ANKS1B: variants seen among roughly 807,000 people sequenced by gnomAD.
ANKS1B encodes ankyrin repeat and sterile alpha motif domain-containing protein 1B.
A neutral mutation model predicts 148.3 loss-of-function variants in ANKS1B; 36 were observed. The observed-to-expected ratio is 0.24, with a 90% CI of 0.19 to 0.32. The LOEUF (loss-of-function observed/expected upper bound fraction) is 0.32. Among genes scored for constraint, ANKS1B ranks in the 10% least tolerant of loss-of-function variants. The probability of loss-of-function intolerance (pLI) is 1.00; values close to 1 mark genes in which losing one functional copy is unlikely to be tolerated. For missense variants in ANKS1B, 1,157 were observed against 1,542.6 expected (o/e 0.75, Z 4.19); for synonymous variants, 542 against 560.8 (o/e 0.97, Z 0.47).
intron 12 of ANKS1B, among the ~76,000 whole-genome samples, chr12:99,338,136 A>C (rs1288328895): frequency 6.6e-6 from 1 of 152,222 alleles, no homozygotes; most frequent in East Asian, 1.9e-4. Flanking sequence ...CACTTGTCCC[A>C]GGATGGGTCC....
chr12:98,780,533 G>A (rs1258657791), intron 24 of ANKS1B, among the ~76,000 whole-genome samples: 1 of 152,204 alleles, frequency 6.6e-6, no homozygotes, highest in Non-Finnish European at 1.5e-5. Flanking sequence ...CGGAGCCACA[G>A]CATGGCCTGG....
At chr12:99,587,221 A>G (rs559903147) in intron 9 of ANKS1B, among the ~76,000 whole-genome samples, 1 of 152,240 alleles carries the variant, frequency 6.6e-6, no homozygotes, top group Non-Finnish European at 1.5e-5. Context: ...ATATCTTAAC[A>G]TCATTTCACT....
At chr12:99,157,394 T>C (rs1293500232) in intron 14 of ANKS1B, among the ~76,000 whole-genome samples, 1 of 152,198 alleles carries the variant, frequency 6.6e-6, no homozygotes, top group Non-Finnish European at 1.5e-5. Flanking sequence ...CACATGCTGA[T>C]TGGCCAGCTC....
intron 17 of ANKS1B, among the ~76,000 whole-genome samples, chr12:98,864,825 AG>A (rs1198146124): frequency 1.3e-5 from 2 of 152,160 alleles, no homozygotes; most frequent in Non-Finnish European, 2.9e-5. Context: ...CCTGACTCTC[AG>A]AACACACGCT....
At chr12:99,816,285 CTTCTT>C (rs1175109017) in intron 2 of ANKS1B, among the ~76,000 whole-genome samples, 1 of 151,794 alleles carries the variant, frequency 6.6e-6, no homozygotes, top group African/African-American at 2.4e-5. Context: ...GTCTGCATAT[CTTCTT>C]TTGAGAAATG....
chr12:99,905,156 G>C (rs1603449378), intron 1 of ANKS1B, among the ~76,000 whole-genome samples: 1 of 152,152 alleles, frequency 6.6e-6, no homozygotes, highest in Non-Finnish European at 1.5e-5. Flanking sequence ...AGTCTGAATT[G>C]AGGGTAAAGG....
chr12:99,135,205 G>T (rs1476509977), intron 15 of ANKS1B, among the ~76,000 whole-genome samples: 1 of 152,118 alleles, frequency 6.6e-6, no homozygotes, highest in African/African-American at 2.4e-5. Context: ...AACATTGAAA[G>T]CAATCTCCTA....
chr12:98,900,875 C>G (rs907718314), intron 17 of ANKS1B, among the ~76,000 whole-genome samples: 1 of 152,118 alleles, frequency 6.6e-6, no homozygotes, highest in African/African-American at 2.4e-5. Context: ...TCTTGTGGAA[C>G]TCTCTCTGGG....
chr12:99,832,739 G>A (rs1017596195), intron 1 of ANKS1B, among the ~76,000 whole-genome samples: 1 of 150,198 alleles, frequency 6.7e-6, no homozygotes, highest in Admixed American at 6.7e-5. Flanking sequence ...AAAAAAGAGA[G>A]AGAGAGAGAG....
At chr12:98,909,101 A>G (rs2099783277) in intron 17 of ANKS1B, among the ~76,000 whole-genome samples, 1 of 152,150 alleles carries the variant, frequency 6.6e-6, no homozygotes, top group African/African-American at 2.4e-5. Context: ...TTCTAATACT[A>G]TTCTTGGAAT....
intron 17 of ANKS1B, among the ~76,000 whole-genome samples, chr12:98,951,811 C>T (rs776014227): frequency 2.2e-4 from 34 of 152,148 alleles, no homozygotes; most frequent in Non-Finnish European, 4.7e-4. Context: ...TTGGTTCATA[C>T]GGGTCTTATG....
At chr12:99,007,220 C>G (rs1038330005) in intron 17 of ANKS1B, among the ~76,000 whole-genome samples, 20 of 152,134 alleles carry the variant, frequency 1.3e-4, no homozygotes, top group Non-Finnish European at 2.8e-4. Context: ...TGATCAGGAA[C>G]TAGTTATGAA....
chr12:99,913,083 TTC>T (rs2153788818), intron 1 of ANKS1B, among the ~76,000 whole-genome samples: 1 of 152,308 alleles, frequency 6.6e-6, no homozygotes, highest in Admixed American at 6.5e-5. Context: ...GAAGTGTTTA[TTC>T]TGTGACCCTT....
In ANKS1B at chr12:99,632,748, TA is replaced by T. The variant is rs1567522493; in HGVS notation, c.1272+22318del. Among the ~76,000 whole-genome samples, 85 of 110,272 alleles carry T rather than the reference TA, an allele frequency of 7.7e-4. 6 individuals are homozygous for T. The East Asian group carries it at 9.1e-3, about 12-fold the overall frequency. 72.3% of individuals were successfully genotyped at this position (110,272 alleles called of 152,430 possible). On this transcript the variant is annotated intron_variant, in intron 9 of 26. Transcript: ENST00000683438. ...CTTTCTATATATATATATATATATA[TA>T]TATATATATATATATATATTTTAAT...
Position 99,062,641 on chromosome 12 carries a change from T to C in ANKS1B, c.2626-9332A>G, listed in dbSNP as rs938596285. On this transcript the variant is annotated intron_variant, in intron 16 of 26. Transcript: ENST00000683438. ...CGGAAATAGGTCACCAGACACCTTATTGAGAAGAGCACAGAAGCTGAGCTG... is the reference window on the plus strand; with the variant it reads ...CGGAAATAGGTCACCAGACACCTTACTGAGAAGAGCACAGAAGCTGAGCTG... 5.5e-4 allele frequency among the ~76,000 whole-genome samples: 83 copies of C among 152,058 alleles called. 1 individual carries two copies. Among genetic ancestry groups the C allele is most frequent in the African/African-American group, 1.9e-3 (79 of 41,372 alleles).
At chr12:99,575,455 T>C (rs1387266280) in intron 9 of ANKS1B, among the ~76,000 whole-genome samples, 1 of 152,050 alleles carries the variant, frequency 6.6e-6, no homozygotes, top group Non-Finnish European at 1.5e-5. Flanking sequence ...AATAAAGACA[T>C]ACCCAAGACT....
intron 17 of ANKS1B, among the ~76,000 whole-genome samples, chr12:98,958,085 C>T (rs185866079): frequency 1.3e-5 from 2 of 152,190 alleles, no homozygotes; most frequent in Non-Finnish European, 1.5e-5. Flanking sequence ...GTGAGCTTTA[C>T]GCTCAGGTTG....
At chr12:99,062,736 C>G (rs2042851758) in intron 16 of ANKS1B, among the ~76,000 whole-genome samples, 1 of 152,042 alleles carries the variant, frequency 6.6e-6, no homozygotes, top group Non-Finnish European at 1.5e-5. Flanking sequence ...GAGGAAAACA[C>G]ATGGAAAGGG....
chr12:99,711,845 C>T (rs2056681717), intron 8 of ANKS1B, among the ~76,000 whole-genome samples: 2 of 152,076 alleles, frequency 1.3e-5, no homozygotes, highest in Admixed American at 1.3e-4. Context: ...CCCATTACTG[C>T]ATATATACTG....
Sources: allele counts gnomAD v4.1 joint callset (sites outside exome capture counted in the v4.1 genomes callset), GRCh38; gene constraint gnomAD v4.1.1; transcripts MANE v1.5; gene names NCBI Gene and HGNC (gene_info 2026-07-23, HGNC 2026-07-21).